Variants in CLSTN2 observed in about 807,000 individuals in gnomAD.
CLSTN2 encodes calsyntenin-2.
CLSTN2 carries 48 observed loss-of-function variants against 101.2 expected under a neutral mutation model. The observed-to-expected ratio is 0.47, with a 90% CI of 0.38 to 0.60. The LOEUF is 0.60. Ranked by LOEUF, CLSTN2 falls within the 20% of genes least tolerant of loss-of-function variation. The pLI is 0.00. For missense variants in CLSTN2, 1,160 were observed against 1,238.2 expected, an observed-to-expected ratio of 0.94 and a Z score of 0.95; for synonymous variants, 481 against 463.6, an observed-to-expected ratio of 1.04 and a Z score of -0.48.
chr3:140,287,332 A>G (rs2107900616), intron 2 of CLSTN2, among the ~76,000 whole-genome samples: 1 of 152,316 alleles, frequency 6.6e-6, no homozygotes, highest in South Asian at 2.1e-4. Context: ...ATGCAAACTT[A>G]TCTCTCAAGA....
chr3:140,227,435 C>A (rs1311233967), intron 2 of CLSTN2, among the ~76,000 whole-genome samples: 4 of 152,224 alleles, frequency 2.6e-5, no homozygotes, highest in African/African-American at 4.8e-5. Context: ...TGTGGCTTCA[C>A]AGGGTACAGC....
At chr3:140,084,501 G>A (rs2008648929) in intron 1 of CLSTN2, among the ~76,000 whole-genome samples, 1 of 152,160 alleles carries the variant, frequency 6.6e-6, no homozygotes, top group Non-Finnish European at 1.5e-5. Flanking sequence ...TATGATAGCT[G>A]ACTGACAAAA....
At position 140,333,173 on chromosome 3, in the gene CLSTN2, G is replaced by A. The variant is rs932121852; in HGVS notation, c.233-70456G>A. Among the ~76,000 whole-genome samples the A allele has an allele frequency of 1.6e-4, 25 of 152,142 alleles. 1 individual carries two copies. The highest frequency in any genetic ancestry group is 1.5e-5 in the Non-Finnish European group (1 of 68,024). On this transcript the variant is annotated intron_variant, in intron 2 of 16. Coordinates refer to ENST00000458420, the MANE Select transcript of CLSTN2 (RefSeq NM_022131.3). ...CTTCTCTCTGCCTCTCTTTCTGTAA[G>A]TGCACGAGCTTGTTGCCAAGGCATA...
intron 1 of CLSTN2, among the ~76,000 whole-genome samples, chr3:140,004,446 A>G (rs1257215885): frequency 1.3e-5 from 2 of 152,220 alleles, no homozygotes; most frequent in Non-Finnish European, 2.9e-5. Flanking sequence ...GGATCCCCAC[A>G]GGGAAACCCC....
chr3:140,505,275 T>G (rs1934664929), intron 8 of CLSTN2, among the ~76,000 whole-genome samples: 1 of 152,172 alleles, frequency 6.6e-6, no homozygotes, highest in South Asian at 2.1e-4. Context: ...GCCTTTAATT[T>G]CATTCAGTGG....
intron 7 of CLSTN2, among the ~76,000 whole-genome samples, chr3:140,463,397 G>C (rs1405732965): frequency 6.6e-6 from 1 of 152,154 alleles, no homozygotes. Flanking sequence ...CAGCCTGGTA[G>C]AGAGTGCTAG....
chr3:140,453,911 G>T (rs1183546818), intron 6 of CLSTN2, among the ~76,000 whole-genome samples: 1 of 152,144 alleles, frequency 6.6e-6, no homozygotes, highest in African/African-American at 2.4e-5. Flanking sequence ...ACCATCAGAG[G>T]TTTTCACACC....
At chr3:140,130,182 C>A (rs1014130641) in intron 1 of CLSTN2, among the ~76,000 whole-genome samples, 1 of 152,170 alleles carries the variant, frequency 6.6e-6, no homozygotes, top group African/African-American at 2.4e-5. Context: ...TCCGGTGAGG[C>A]TCTAGCTTCA....
In CLSTN2 at chr3:140,448,398, A is replaced by G. The variant is rs1330044846; in HGVS notation, c.788-121A>G. 1.1e-5 allele frequency: 9 copies of G among 784,432 alleles called. 1 individual carries two copies. In the Admixed American group the frequency reaches 2.4e-4, roughly 21 times the overall value. 48.6% of individuals were successfully genotyped at this position (784,432 alleles called of 1,614,324 possible). A position where few individuals can be genotyped will look rare whatever the true frequency, so the allele number is the denominator to read the frequency against. On this transcript the variant is annotated intron_variant, in intron 5 of 16. Transcript: ENST00000458420. ...TGCCATTATTCTCAAACTGTTCCCTAATATCTAATATATGTGTTGGGGCAA... is the reference window on the plus strand; with the variant it reads ...TGCCATTATTCTCAAACTGTTCCCTGATATCTAATATATGTGTTGGGGCAA...
intron 8 of CLSTN2, among the ~76,000 whole-genome samples, chr3:140,529,910 T>A (rs1935219263): frequency 6.6e-6 from 1 of 152,228 alleles, no homozygotes; most frequent in African/African-American, 2.4e-5. Flanking sequence ...ACAGGATTTT[T>A]ATTTATTTTT....
At chr3:140,057,488 C>G (rs139716229) in intron 1 of CLSTN2, among the ~76,000 whole-genome samples, 2,522 of 152,282 alleles carry the variant, frequency 0.017, 34 homozygotes, top group South Asian at 0.032. Context: ...AAGGGGATGC[C>G]ACTAAACTGA....
intron 2 of CLSTN2, among the ~76,000 whole-genome samples, chr3:140,245,172 G>A (rs776614470): frequency 3.3e-5 from 5 of 152,158 alleles, no homozygotes; most frequent in African/African-American, 1.2e-4. Flanking sequence ...TTTTACACTC[G>A]GCTGTTATTC....
At chr3:140,199,369 T>C (rs1276062319) in intron 2 of CLSTN2, among the ~76,000 whole-genome samples, 1 of 152,210 alleles carries the variant, frequency 6.6e-6, no homozygotes, top group African/African-American at 2.4e-5. Flanking sequence ...CTGAGGAGCT[T>C]TCTAAACACA....
intron 9 of CLSTN2, among the ~76,000 whole-genome samples, chr3:140,541,050 A>G (rs983202453): frequency 1.3e-5 from 2 of 152,310 alleles, no homozygotes; most frequent in Non-Finnish European, 2.9e-5. Context: ...AGAGCCCACT[A>G]TAACTGAATA....
chr3:140,476,160 C>T (rs1351343270), intron 8 of CLSTN2, among the ~76,000 whole-genome samples: 1 of 152,154 alleles, frequency 6.6e-6, no homozygotes, highest in East Asian at 1.9e-4. Context: ...TTTTCTGTCA[C>T]TTCCACGATA....
Position 140,576,006 on chromosome 3 carries a change from ATAG to A in CLSTN2, c.*9757_*9759del, listed in dbSNP as rs1985720800. 6.6e-6 allele frequency: 1 copy of A among 152,300 alleles called. No individual in the cohort carries two copies. Among genetic ancestry groups the A allele is most frequent in the African/African-American group, 2.4e-5 (1 of 41,560 alleles). The allele number at this position is 152,300 out of a possible 1,614,324, so 9.4% of individuals were successfully genotyped here. Reference sequence around the variant, plus strand: ...AAGCAGTGGGAATAGTGCTTGGCACATAGTAGGAGTTTGGTAAACATTTGGAAA... The same window carrying A: ...AAGCAGTGGGAATAGTGCTTGGCACATAGGAGTTTGGTAAACATTTGGAAA... On this transcript the variant is annotated 3_prime_UTR_variant, in exon 17 of 17. Transcript: ENST00000458420.
chr3:140,400,902 T>C (rs1189894778), intron 2 of CLSTN2, among the ~76,000 whole-genome samples: 1 of 152,160 alleles, frequency 6.6e-6, no homozygotes, highest in Non-Finnish European at 1.5e-5. Context: ...ACCACATTCT[T>C]AGGGAGGCCC....
At chr3:140,433,640 A>G (rs919183563) in intron 5 of CLSTN2, among the ~76,000 whole-genome samples, 25 of 152,232 alleles carry the variant, frequency 1.6e-4, no homozygotes, top group African/African-American at 5.8e-4. Flanking sequence ...GACATTGGAT[A>G]AGTCAGTGAA....
intron 1 of CLSTN2, among the ~76,000 whole-genome samples, chr3:140,030,370 C>G (rs1242947135): frequency 6.6e-6 from 1 of 151,890 alleles, no homozygotes; most frequent in East Asian, 1.9e-4. Flanking sequence ...AGCCCCAGCT[C>G]TTTCTTCTTT....
Sources: allele counts gnomAD v4.1 joint callset (sites outside exome capture counted in the v4.1 genomes callset), GRCh38; gene constraint gnomAD v4.1.1; transcripts MANE v1.5; gene names NCBI Gene and HGNC (gene_info 2026-07-23, HGNC 2026-07-21).